SPDYE18: variants seen among roughly 807,000 people sequenced by gnomAD.
The protein encoded by SPDYE18 is speedy protein E18.
In SPDYE18, 6 loss-of-function variants were observed where a neutral mutation model predicts 44.9. The observed-to-expected ratio is 0.13, with a 90% confidence interval of 0.07 to 0.26. SPDYE18 has a LOEUF of 0.26. SPDYE18 is among the 10% of genes least tolerant of loss of function. The pLI is 1.00. For synonymous variants in SPDYE18, 35 were observed against 177.1 expected, an observed-to-expected ratio of 0.20 and a Z score of 6.37; for missense variants, 121 against 463.2, an observed-to-expected ratio of 0.26 and a Z score of 6.78.
At chr7:77,057,146 A>G (rs1473740548) in intron 4 of SPDYE18, among the ~76,000 whole-genome samples, 1 of 152,288 alleles carries the variant, frequency 6.6e-6, no homozygotes, top group East Asian at 1.9e-4. Flanking sequence ...GCTGGAATGC[A>G]GTGGCCTGAT....
At position 77,051,380 on chromosome 7, in the gene SPDYE18, T is replaced by TAA. The variant is rs1789793570; in HGVS notation, c.*543_*544dup. ...ACAACAATTTCCAAACTATTTGAAA[T>TAA]AAATCTATGAATAATTCAATGGCCA... On this transcript the variant is annotated 3_prime_UTR_variant, in exon 9 of 9. Transcript: ENST00000510091. 6.6e-6 allele frequency among the ~76,000 whole-genome samples: 1 copy of TAA among 152,288 alleles called. No individual in the cohort carries two copies. Among genetic ancestry groups the TAA allele is most frequent in the African/African-American group, 2.4e-5 (1 of 41,484 alleles).
In SPDYE18 at chr7:77,053,222, T is replaced by C; in HGVS notation, c.756-19A>G. The C allele has an allele frequency of 6.2e-7, 1 of 1,611,654 alleles. No individual in the cohort carries two copies. Among genetic ancestry groups the C allele is most frequent in the Non-Finnish European group, 8.5e-7 (1 of 1,179,406 alleles). On this transcript the variant is annotated intron_variant, in intron 6 of 8. Transcript: ENST00000510091. ...CAGGTAGCTGAGGACAGAAATCAGG[T>C]TGGTGCTCAGGGGCACCACCAGGAG...
chr7:77,060,689 T>C lies in SPDYE18; in HGVS notation c.-177A>G, dbSNP rs1790007452. On this transcript the variant is annotated 5_prime_UTR_variant, in exon 2 of 9. An upstream start codon of the reference 5' UTR is lost. Transcript: ENST00000510091. Reference sequence around the variant, plus strand: ...TCGGAATCTCTGATGTCATCGTTCATGCCAACCTGGCAACCAGTTTGAAAA... The same window carrying C: ...TCGGAATCTCTGATGTCATCGTTCACGCCAACCTGGCAACCAGTTTGAAAA... Among the ~76,000 whole-genome samples, 1 of 151,528 alleles carries C rather than the reference T, an allele frequency of 6.6e-6. No homozygotes were observed. The highest frequency in any genetic ancestry group is 1.5e-5 in the Non-Finnish European group (1 of 67,912).
chr7:77,052,477 C>T (rs1414799920), intron 8 of SPDYE18, among the ~76,000 whole-genome samples: 1 of 152,076 alleles, frequency 6.6e-6, no homozygotes, highest in Non-Finnish European at 1.5e-5. Flanking sequence ...CTCTGTCGCC[C>T]AGACTGGAGT....
chr7:77,053,788 G>A (rs1012244775), intron 6 of SPDYE18, among the ~76,000 whole-genome samples: 3 of 151,630 alleles, frequency 2.0e-5, no homozygotes, highest in African/African-American at 2.4e-5. Context: ...GCAGTGAGTC[G>A]AGATTGGGCC....
At chr7:77,058,533 G>T (rs1368648593) in intron 3 of SPDYE18, among the ~76,000 whole-genome samples, 1,738 of 122,664 alleles carry the variant, frequency 0.014, no homozygotes, top group Admixed American at 0.026. Context: ...TTGAGACAGC[G>T]TCTCACTCTC....
chr7:77,058,503 T>TC (rs1285893635), intron 3 of SPDYE18, among the ~76,000 whole-genome samples: 1 of 106,108 alleles, frequency 9.4e-6, no homozygotes, highest in African/African-American at 3.5e-5. Flanking sequence ...CCTTCCTTCT[T>TC]TTTTTTTTTT....
intron 1 of SPDYE18, among the ~76,000 whole-genome samples, 99 bp from the exon 2 acceptor site, chr7:77,061,032 C>T (rs1346496156): frequency 1.8e-5 from 2 of 108,502 alleles, no homozygotes; most frequent in Non-Finnish European, 3.7e-5. Flanking sequence ...GTGAGATTAT[C>T]ACGTACAAGA....
intron 6 of SPDYE18, among the ~76,000 whole-genome samples, chr7:77,054,899 C>T (rs1341620735): frequency 3.3e-5 from 5 of 152,282 alleles, no homozygotes; most frequent in African/African-American, 1.2e-4. Context: ...TCCCAAGTAG[C>T]TGGGATTACA....
rs1431493429 is a variant in SPDYE18 at position 77,050,929 on chromosome 7, A to G, written c.*996T>C. ...AATAAATATATTTAATAAATATTTC[A>G]ATAAATAAAATAATACTTAAATAAT... On this transcript the variant is annotated 3_prime_UTR_variant, in exon 9 of 9. Coordinates refer to ENST00000510091, the MANE Select transcript of SPDYE18 (RefSeq NM_001394953.1). 2.0e-5 allele frequency among the ~76,000 whole-genome samples: 3 copies of G among 148,938 alleles called. No individual in the cohort carries two copies.
chr7:77,052,471 G>A (rs1392560379), intron 8 of SPDYE18, among the ~76,000 whole-genome samples: 1 of 152,074 alleles, frequency 6.6e-6, no homozygotes, highest in Non-Finnish European at 1.5e-5. Flanking sequence ...GTCTCACTCT[G>A]TCGCCCAGAC....
At position 77,051,255 on chromosome 7, in the gene SPDYE18, AAG is replaced by A. The variant is rs1789789275; in HGVS notation, c.*668_*669del. Among the ~76,000 whole-genome samples, 1 of 152,232 alleles carries A rather than the reference AAG, an allele frequency of 6.6e-6. No homozygotes were observed. Among genetic ancestry groups the A allele is most frequent in the South Asian group, 2.1e-4 (1 of 4,838 alleles). On this transcript the variant is annotated 3_prime_UTR_variant, in exon 9 of 9. Coordinates refer to ENST00000510091, the MANE Select transcript of SPDYE18 (RefSeq NM_001394953.1). ...AAGATAATAAAATATTTAGGATAAA[AAG>A]AATTGTCTCTTAAAAATGAAAAGAA...
chr7:77,053,418 G>A (rs9649187), intron 6 of SPDYE18, among the ~76,000 whole-genome samples: 20,725 of 150,156 alleles, frequency 0.14, 377 homozygotes, highest in East Asian at 0.29. Context: ...AAGCCCAACT[G>A]GTGGCCGAGA....
chr7:77,056,240 G>A (rs1387531992), intron 5 of SPDYE18, among the ~76,000 whole-genome samples: 33 of 60,704 alleles, frequency 5.4e-4, no homozygotes, highest in African/African-American at 1.8e-3. Context: ...GCAAAACCCC[G>A]TTTCTACTAA....
intron 6 of SPDYE18, among the ~76,000 whole-genome samples, chr7:77,054,025 T>G (rs1789870700): frequency 6.6e-6 from 1 of 151,842 alleles, no homozygotes; most frequent in Non-Finnish European, 1.5e-5. Context: ...TAAAAGAAAT[T>G]GAATACATTG....
chr7:77,054,731 T>C (rs577719229), intron 6 of SPDYE18, among the ~76,000 whole-genome samples: 15 of 150,674 alleles, frequency 1.0e-4, no homozygotes, highest in African/African-American at 3.1e-4. Flanking sequence ...TGTTTTATTC[T>C]TTTATTTGTA....
Position 77,051,097 on chromosome 7 carries a change from T to C in SPDYE18, c.*828A>G, listed in dbSNP as rs1156782171. On this transcript the variant is annotated 3_prime_UTR_variant, in exon 9 of 9. Coordinates refer to ENST00000510091, the MANE Select transcript of SPDYE18 (RefSeq NM_001394953.1). ...AACCTAAACAGCAAATAAAAATTTC[T>C]ATCACCAGAATTATGTTTTTTTCTG... 1.3e-5 allele frequency among the ~76,000 whole-genome samples: 2 copies of C among 151,952 alleles called. No individual in the cohort carries two copies. Among genetic ancestry groups the C allele is most frequent in the South Asian group, 4.1e-4 (2 of 4,838 alleles).
At position 77,057,443 on chromosome 7, in the gene SPDYE18, G is replaced by T. The variant is rs55754425; in HGVS notation, c.610+194C>A. 1.7e-3 allele frequency among the ~76,000 whole-genome samples: 252 copies of T among 150,306 alleles called. 6 individuals carry two copies. The highest frequency in any genetic ancestry group is 8.5e-3 in the Admixed American group (128 of 15,138). On this transcript the variant is annotated intron_variant, in intron 4 of 8. Coordinates refer to ENST00000510091, the MANE Select transcript of SPDYE18 (RefSeq NM_001394953.1). Reference sequence around the variant, plus strand: ...AAAACCAAGCTTTCTTATCCCAAGCGCTGACCTTTATCAAGTTGACCTAAT... The same window carrying T: ...AAAACCAAGCTTTCTTATCCCAAGCTCTGACCTTTATCAAGTTGACCTAAT...
chr7:77,062,349 G>A (rs923323376), intron 1 of SPDYE18, among the ~76,000 whole-genome samples, 147 bp downstream of exon 1: 17 of 149,154 alleles, frequency 1.1e-4, no homozygotes, highest in African/African-American at 3.7e-4. Context: ...CAACAAAATC[G>A]TTTGCTCTCT....
Sources: allele counts gnomAD v4.1 joint callset (sites outside exome capture counted in the v4.1 genomes callset), GRCh38; gene constraint gnomAD v4.1.1; transcripts MANE v1.5; gene names NCBI Gene and HGNC (gene_info 2026-07-23, HGNC 2026-07-21).